The following IRAG2 variants were observed in gnomAD, a reference collection of about 807,000 sequenced individuals.
The protein encoded by IRAG2 is lymphoid restricted membrane protein.
Under a neutral mutation model 69.9 loss-of-function variants are expected in IRAG2, and 45 were observed. The ratio of observed to expected loss-of-function variants is 0.64; its 90% CI spans 0.51 to 0.83. IRAG2 has a LOEUF of 0.83. IRAG2 is among the 40% of genes least tolerant of loss of function. The pLI is 0.00. For missense variants in IRAG2, 520 were observed against 587.0 expected (o/e 0.89, Z 1.18); for synonymous variants, 193 against 202.4 (o/e 0.95, Z 0.40).
chr12:25,039,556 G>A (rs1016398053), intron 16 of IRAG2, among the ~76,000 whole-genome samples: 7 of 152,138 alleles, frequency 4.6e-5, no homozygotes, highest in Admixed American at 1.3e-4. Flanking sequence ...TCAGCCTCCC[G>A]AGTAGCTGGG....
chr12:25,072,453 C>T (rs1946401967), intron 6 of IRAG2, among the ~76,000 whole-genome samples: 1 of 152,172 alleles, frequency 6.6e-6, no homozygotes, highest in Non-Finnish European at 1.5e-5. Flanking sequence ...CTCTCTGCCT[C>T]TGACCCTTGT....
intron 15 of IRAG2, chr12:25,036,731 T>A (rs1944704971): frequency 2.7e-6 from 1 of 375,538 alleles, no homozygotes; most frequent in East Asian, 4.2e-5. Context: ...TTCTTCTACT[T>A]TGTTAAGCCA....
chr12:25,004,922 A>G, intron 1 of IRAG2: 1 of 1,218,196 alleles, frequency 8.2e-7, no homozygotes, highest in Non-Finnish European at 1.0e-6. Context: ...GATGGTAAAT[A>G]TTCATCTTTT....
chr12:25,069,040 G>A (rs546124438), intron 5 of IRAG2, among the ~76,000 whole-genome samples: 3 of 152,244 alleles, frequency 2.0e-5, no homozygotes, highest in African/African-American at 7.2e-5. Context: ...ATTAAAAAAT[G>A]TCAGTGCATT....
chr12:25,028,223 C>A (rs553149984), intron 9 of IRAG2, among the ~76,000 whole-genome samples: 1 of 152,260 alleles, frequency 6.6e-6, no homozygotes, highest in African/African-American at 2.4e-5. Context: ...CCACGCCTGG[C>A]CTTGTTTCTA....
intron 8 of IRAG2, among the ~76,000 whole-genome samples, chr12:25,026,382 G>A (rs1944621682): frequency 6.6e-6 from 1 of 152,128 alleles, no homozygotes. Context: ...GGGAATGGAG[G>A]CATTTGGAAG....
chr12:25,033,420 A>G (rs923646145), intron 12 of IRAG2, among the ~76,000 whole-genome samples: 6 of 152,360 alleles, frequency 3.9e-5, no homozygotes, highest in Admixed American at 6.5e-5. Flanking sequence ...TGGAATATGC[A>G]CGCATCTACA....
chr12:25,079,789 G>A (rs1367414763), intron 9 of IRAG2, 26 bp downstream of exon 9: 2 of 1,453,904 alleles, frequency 1.4e-6, no homozygotes, highest in Non-Finnish European at 1.9e-6. Context: ...GTGTAAGCAT[G>A]ATTTTAATTC....
intron 16 of IRAG2, among the ~76,000 whole-genome samples, chr12:25,044,231 G>A (rs897739931): frequency 6.6e-6 from 1 of 151,958 alleles, no homozygotes; most frequent in Non-Finnish European, 1.5e-5. Flanking sequence ...GATGTTTTAT[G>A]TACGCTCCAT....
intron 14 of IRAG2, among the ~76,000 whole-genome samples, chr12:25,036,385 T>C (rs982565569): frequency 6.6e-6 from 1 of 152,228 alleles, no homozygotes; most frequent in African/African-American, 2.4e-5. Flanking sequence ...ATATTCAACA[T>C]GTATAGAGCA....
intron 3 of IRAG2, among the ~76,000 whole-genome samples, chr12:25,063,362 T>C (rs1281053302): frequency 6.6e-6 from 1 of 152,224 alleles, no homozygotes; most frequent in African/African-American, 2.4e-5. Flanking sequence ...TGTTTTACTT[T>C]TTTTAATTGC....
At chr12:25,000,320 G>T (rs1565522700), upstream of IRAG2, among the ~76,000 whole-genome samples, 1 of 152,180 alleles carries the variant, frequency 6.6e-6, no homozygotes, top group Non-Finnish European at 1.5e-5. Context: ...AGTGGCATGT[G>T]CCTGTGATCC....
chr12:25,053,168 CTTTT>C (rs913330202), intron 1 of IRAG2, among the ~76,000 whole-genome samples: 2 of 151,600 alleles, frequency 1.3e-5, no homozygotes, highest in African/African-American at 4.8e-5. Flanking sequence ...CCCTTTTTGC[CTTTT>C]TATTATAAGC....
chr12:25,078,407 T>C (rs1042653357), intron 6 of IRAG2, among the ~76,000 whole-genome samples: 3 of 151,954 alleles, frequency 2.0e-5, no homozygotes, highest in African/African-American at 7.2e-5. Flanking sequence ...GTTGTGACAG[T>C]TAGTAAGTTC....
chr12:25,051,979 C>G (rs886110942), upstream of IRAG2, among the ~76,000 whole-genome samples: 1 of 152,196 alleles, frequency 6.6e-6, no homozygotes, highest in Non-Finnish European at 1.5e-5. Flanking sequence ...GGGAACTGAA[C>G]ACACCAGTGT....
At chr12:25,071,792 AT>A (rs5797117) in intron 6 of IRAG2, among the ~76,000 whole-genome samples, 1,924 of 144,010 alleles carry the variant, frequency 0.013, 8 homozygotes, top group African/African-American at 0.017. Context: ...CCTTGAAAGT[AT>A]TTTTTTTTTT....
Position 25,079,225 on chromosome 12 carries a change from T to C in IRAG2, c.25-19T>C. ...AATGTCAAATTGTTGAACTTATGTC[T>C]CCTTTCTTTTTCCTTAAGGAGAATG... On this transcript the variant is annotated intron_variant, in intron 6 of 21. Coordinates refer to ENST00000556887, the MANE Select transcript of IRAG2 (RefSeq NM_001366544.2). 6.2e-7 allele frequency: 1 copy of C among 1,613,610 alleles called. No homozygotes were observed. The highest frequency in any genetic ancestry group is 1.1e-5 in the South Asian group (1 of 91,062).
At chr12:25,097,204 G>A in intron 15 of IRAG2, 160 bp downstream of exon 15, 2 of 567,744 alleles carry the variant, frequency 3.5e-6, no homozygotes, top group South Asian at 3.9e-5. Context: ...AGAAAAAATG[G>A]AATATACAAA....
At chr12:25,027,617 A>C (rs1944634259) in intron 9 of IRAG2, among the ~76,000 whole-genome samples, 1 of 152,086 alleles carries the variant, frequency 6.6e-6, no homozygotes, top group Non-Finnish European at 1.5e-5. Flanking sequence ...GATGGTCTCA[A>C]TCTCCTGACC....
Sources: allele counts gnomAD v4.1 joint callset (sites outside exome capture counted in the v4.1 genomes callset), GRCh38; gene constraint gnomAD v4.1.1; transcripts MANE v1.5; gene names NCBI Gene and HGNC (gene_info 2026-07-23, HGNC 2026-07-21).